Variants in TXNRD2 observed in about 807,000 individuals in gnomAD.
The protein encoded by TXNRD2 is thioredoxin reductase 2, mitochondrial.
A neutral mutation model predicts 70.8 loss-of-function variants in TXNRD2; 67 were observed. The ratio of observed to expected loss-of-function variants is 0.95; its 90% CI spans 0.78 to 1.16. TXNRD2 has a LOEUF of 1.16. Ranked by LOEUF, TXNRD2 falls within the 50% of genes most tolerant of loss-of-function variation. TXNRD2 has a pLI of 0.00. For missense variants in TXNRD2, 644 were observed against 719.9 expected, an observed-to-expected ratio of 0.89 and a Z score of 1.21; for synonymous variants, 301 against 295.8, an observed-to-expected ratio of 1.02 and a Z score of -0.18.
At chr22:19,915,386 G>A in intron 6 of TXNRD2, 110 bp from the exon 7 acceptor site, 1 of 1,124,724 alleles carries the variant, frequency 8.9e-7, no homozygotes, top group Non-Finnish European at 1.3e-6. Flanking sequence ...CCCCTGCCCT[G>A]TAGCGTGGAC....
rs1269161152 is a variant in TXNRD2 at position 19,877,089 on chromosome 22, C to T, written c.*16G>A. 1.3e-6 allele frequency: 2 copies of T among 1,591,668 alleles called. No homozygotes were observed. Among genetic ancestry groups the T allele is most frequent in the African/African-American group, 2.7e-5 (2 of 74,710 alleles). On this transcript the variant is annotated 3_prime_UTR_variant, in exon 17 of 18. Transcript: ENST00000400521. ...GCGGCGGGCGCACCGTGTGCCCTGGCCTGCAGGGATGGCGCTTACCCTCAG... is the reference window on the plus strand; with the variant it reads ...GCGGCGGGCGCACCGTGTGCCCTGGTCTGCAGGGATGGCGCTTACCCTCAG...
rs539140099 is a variant in TXNRD2 at position 19,888,535 on chromosome 22, C to A, written c.950-5074G>T. Among the ~76,000 whole-genome samples, 3 of 152,358 alleles carry A rather than the reference C, an allele frequency of 2.0e-5. No individual in the cohort carries two copies. In the East Asian group the frequency reaches 5.8e-4, roughly 29 times the overall value. On this transcript the variant is annotated intron_variant, in intron 11 of 17. Coordinates refer to ENST00000400521, the MANE Select transcript of TXNRD2 (RefSeq NM_006440.5). ...TCCCAAGAGAAGAGCAAGGAGGCAG[C>A]GCCCCAGGTGAGAGGTAAGTGCCAG...
At chr22:19,914,733 G>A (rs566695612) in intron 7 of TXNRD2, among the ~76,000 whole-genome samples, 2 of 152,264 alleles carry the variant, frequency 1.3e-5, no homozygotes, top group East Asian at 1.9e-4. Flanking sequence ...GTGACTGATG[G>A]CCGCACAGCT....
At chr22:19,937,438 A>G (rs989287002) in intron 1 of TXNRD2, among the ~76,000 whole-genome samples, 16 of 152,224 alleles carry the variant, frequency 1.1e-4, no homozygotes, top group African/African-American at 3.9e-4. Flanking sequence ...TCTGATGAGC[A>G]CACTCAAGGT....
intron 9 of TXNRD2, among the ~76,000 whole-genome samples, 159 bp from the exon 10 acceptor site, chr22:19,898,289 A>G (rs1939609283): frequency 6.6e-6 from 1 of 152,164 alleles, no homozygotes. Flanking sequence ...TCAAGTGCAC[A>G]GGCTGGGGTT....
rs563775080 is a variant in TXNRD2 at position 19,895,397 on chromosome 22, G to A, written c.949+10C>T. The A allele has an allele frequency of 7.7e-5, 125 of 1,613,792 alleles. 1 individual carries two copies. The highest frequency in any genetic ancestry group is 5.0e-4 in the Admixed American group (30 of 60,024). On this transcript the variant is annotated intron_variant, in intron 11 of 17. Coordinates refer to ENST00000400521, the MANE Select transcript of TXNRD2 (RefSeq NM_006440.5). ...CCAGAGACAGAGCGTGTGGCTCGAC[G>A]TGCCCTTACCTATGGCCCACAGGAC... is the stretch of plus-strand genomic sequence containing the variant.
rs768759367 is a variant in TXNRD2 at position 19,883,510 on chromosome 22, C to T, written c.950-49G>A. 18 of 1,612,626 alleles carry T rather than the reference C, an allele frequency of 1.1e-5. No individual in the cohort carries two copies. In the South Asian group the frequency reaches 1.9e-4, roughly 17 times the overall value. ...GAAAGGTTATCTTCAGTGGCTTTGACCTAGAGCGGTTGTGTTTAAACTGTT... is the reference window on the plus strand; with the variant it reads ...GAAAGGTTATCTTCAGTGGCTTTGATCTAGAGCGGTTGTGTTTAAACTGTT... On this transcript the variant is annotated intron_variant, in intron 11 of 17. Transcript: ENST00000400521.
chr22:19,932,667 G>T, intron 1 of TXNRD2: 2 of 1,103,474 alleles, frequency 1.8e-6, no homozygotes, highest in Non-Finnish European at 2.4e-6. Flanking sequence ...AGACTCTAGG[G>T]TATAAAACAA....
At chr22:19,876,988 G>T in intron 17 of TXNRD2, 52 bp downstream of exon 17, 2 of 1,336,620 alleles carry the variant, frequency 1.5e-6, no homozygotes, top group Non-Finnish European at 2.0e-6. Context: ...CAGGGCTCCT[G>T]CACCCCTGCC....
chr22:19,941,696 C>T lies in TXNRD2; in HGVS notation c.103+5G>A, dbSNP rs1941723772. On this transcript the variant is annotated splice_donor_5th_base_variant and intron_variant, in intron 1 of 17. Transcript: ENST00000400521. ...TACCGCGGGGACGCCCCGACCCCATCCTACCTGCTGCGCCCCGCGCCGCGC... is the reference window on the plus strand; with the variant it reads ...TACCGCGGGGACGCCCCGACCCCATTCTACCTGCTGCGCCCCGCGCCGCGC... 2 of 1,482,420 alleles carry T rather than the reference C, an allele frequency of 1.3e-6. No individual in the cohort carries two copies. Among genetic ancestry groups the T allele is most frequent in the East Asian group, 5.7e-5 (2 of 35,302 alleles). 91.8% of individuals were successfully genotyped at this position (1,482,420 alleles called of 1,614,324 possible).
At chr22:19,890,838 G>A (rs1291132227) in intron 11 of TXNRD2, among the ~76,000 whole-genome samples, 1 of 152,330 alleles carries the variant, frequency 6.6e-6, no homozygotes, top group South Asian at 2.1e-4. Context: ...GTTGCCTGCC[G>A]TGTACATGCC....
chr22:19,880,467 C>G (rs1198389141), intron 13 of TXNRD2, among the ~76,000 whole-genome samples, 155 bp downstream of exon 13: 1 of 152,260 alleles, frequency 6.6e-6, no homozygotes, highest in Non-Finnish European at 1.5e-5. Context: ...TGCATGCACA[C>G]ACACGTGTGT....
intron 2 of TXNRD2, among the ~76,000 whole-genome samples, chr22:19,921,943 A>G (rs1940934383): frequency 6.6e-6 from 1 of 152,186 alleles, no homozygotes; most frequent in Non-Finnish European, 1.5e-5. Flanking sequence ...TTAGCCCTAG[A>G]CTGGGCACTG....
chr22:19,909,600 CT>C (rs1415336996), intron 8 of TXNRD2, among the ~76,000 whole-genome samples: 9,015 of 45,986 alleles, frequency 0.2, 468 homozygotes, highest in East Asian at 0.38. Flanking sequence ...ACACACACCA[CT>C]CACACACACA....
At chr22:19,934,997 G>T (rs1288225492) in intron 1 of TXNRD2, among the ~76,000 whole-genome samples, 2 of 152,176 alleles carry the variant, frequency 1.3e-5, no homozygotes, top group East Asian at 3.8e-4. Flanking sequence ...TGTAAAACGT[G>T]TGTTTGAACA....
intron 8 of TXNRD2, among the ~76,000 whole-genome samples, chr22:19,905,949 G>A (rs1179706784): frequency 6.7e-6 from 1 of 149,994 alleles, no homozygotes; most frequent in Non-Finnish European, 1.5e-5. Context: ...GGGTGGGGCA[G>A]GCCTTTCTGA....
intron 1 of TXNRD2, among the ~76,000 whole-genome samples, chr22:19,940,575 C>G (rs1004656847): frequency 6.6e-6 from 1 of 152,170 alleles, no homozygotes; most frequent in Admixed American, 6.5e-5. Flanking sequence ...GGAAGCTTTT[C>G]TGTCTGTTGT....
intron 11 of TXNRD2, 91 bp downstream of exon 11, chr22:19,895,316 G>C: frequency 6.2e-7 from 1 of 1,600,656 alleles, no homozygotes; most frequent in Non-Finnish European, 8.5e-7. Flanking sequence ...CAGGATGGGG[G>C]AGCCCTGGGA....
chr22:19,902,331 T>C (rs1438586621), intron 8 of TXNRD2, among the ~76,000 whole-genome samples: 1 of 152,328 alleles, frequency 6.6e-6, no homozygotes, highest in East Asian at 1.9e-4. Flanking sequence ...GCTTTCTTGT[T>C]CAAAATTGGA....
Sources: allele counts gnomAD v4.1 joint callset (sites outside exome capture counted in the v4.1 genomes callset), GRCh38; gene constraint gnomAD v4.1.1; transcripts MANE v1.5; gene names NCBI Gene and HGNC (gene_info 2026-07-23, HGNC 2026-07-21).